The following PLPP1 variants were observed in gnomAD, a reference collection of about 807,000 sequenced individuals.
PLPP1 encodes lipid phosphate phosphohydrolase 1a.
Under a neutral mutation model 31.2 loss-of-function variants are expected in PLPP1, and 24 were observed. The observed-to-expected ratio is 0.77, with a 90% CI of 0.56 to 1.08. The LOEUF (loss-of-function observed/expected upper bound fraction) is 1.08. Ranked by LOEUF, PLPP1 falls within the 50% of genes least tolerant of loss-of-function variation. The probability of loss-of-function intolerance (pLI) is 0.00; values close to 1 mark genes in which losing one functional copy is unlikely to be tolerated. For synonymous variants in PLPP1, 146 were observed against 126.3 expected, an observed-to-expected ratio of 1.16 and a Z score of -1.05; for missense variants, 319 against 342.7, an observed-to-expected ratio of 0.93 and a Z score of 0.55.
chr5:55,515,846 T>C (rs961951069), intron 1 of PLPP1, among the ~76,000 whole-genome samples: 73 of 152,204 alleles, frequency 4.8e-4, no homozygotes, highest in Non-Finnish European at 1.3e-4. Context: ...TCATCAATTC[T>C]CATGGCTTCA....
chr5:55,501,200 C>A (rs1214567023), intron 1 of PLPP1, among the ~76,000 whole-genome samples: 1 of 152,244 alleles, frequency 6.6e-6, no homozygotes, highest in Middle Eastern at 3.4e-3. Flanking sequence ...GTAATCCCAG[C>A]TACTCAGGAG....
At chr5:55,469,010 C>T (rs992170453) in intron 2 of PLPP1, among the ~76,000 whole-genome samples, 2 of 152,144 alleles carry the variant, frequency 1.3e-5, no homozygotes, top group East Asian at 3.9e-4. Context: ...GTGACCTCTG[C>T]TGGGGTCCCA....
At chr5:55,511,573 T>C (rs1439059173) in intron 1 of PLPP1, among the ~76,000 whole-genome samples, 1 of 151,202 alleles carries the variant, frequency 6.6e-6, no homozygotes, top group African/African-American at 2.4e-5. Flanking sequence ...AATCTTTGGA[T>C]GATGGTGAGA....
intron 3 of PLPP1, among the ~76,000 whole-genome samples, chr5:55,442,221 T>TG (rs1294641309): frequency 6.6e-6 from 1 of 152,238 alleles, no homozygotes; most frequent in East Asian, 1.9e-4. Context: ...TGGCACAAAT[T>TG]GCCTTGACTT....
intron 1 of PLPP1, among the ~76,000 whole-genome samples, chr5:55,520,902 A>G (rs1191857092): frequency 6.6e-6 from 1 of 152,210 alleles, no homozygotes; most frequent in Admixed American, 6.5e-5. Flanking sequence ...TTTCAGGGGA[A>G]ATTGTTCTGA....
At chr5:55,453,675 T>G (rs1455650087) in intron 3 of PLPP1, among the ~76,000 whole-genome samples, 1 of 152,184 alleles carries the variant, frequency 6.6e-6, no homozygotes, top group Non-Finnish European at 1.5e-5. Context: ...TACCGTTGGC[T>G]CCCACCTGTA....
At chr5:55,442,741 G>C (rs1178516190) in intron 3 of PLPP1, among the ~76,000 whole-genome samples, 4 of 151,632 alleles carry the variant, frequency 2.6e-5, no homozygotes, top group Non-Finnish European at 5.9e-5. Context: ...TTCAATATTA[G>C]AGTCTATAAA....
chr5:55,447,968 T>G (rs1751804689), intron 3 of PLPP1, among the ~76,000 whole-genome samples: 1 of 152,214 alleles, frequency 6.6e-6, no homozygotes, highest in Non-Finnish European at 1.5e-5. Context: ...TTCCTGATTA[T>G]AAAGTTTATA....
rs139522372 is a variant in PLPP1 at position 55,467,997 on chromosome 5, A to G, written c.363T>C (p.Tyr121=). The G allele has an allele frequency of 1.4e-5, 23 of 1,614,196 alleles. No individual in the cohort carries two copies. In the African/African-American group the frequency reaches 2.9e-4, roughly 21 times the overall value. The stretch of plus-strand genomic sequence containing the variant: ...AGTGAGGCCGCAGTCTGCCTATTGA[A>G]TACTTGGCAATGTCAGTCAGGGACT... The part of the protein sequence containing the change: ...ASQSLTDIAK[Y]SIGRLRPHFL... The change falls in exon 3 of 6, where the codon TAT becomes TAC. Residue 121 remains tyrosine (Y), a synonymous_variant. Transcript: ENST00000307259.
chr5:55,488,581 G>A (rs1170468257), intron 1 of PLPP1, among the ~76,000 whole-genome samples: 1 of 151,788 alleles, frequency 6.6e-6, no homozygotes, highest in Non-Finnish European at 1.5e-5. Flanking sequence ...GGGAGGCGGA[G>A]GTTGCACTAA....
chr5:55,429,556 G>A (rs935522992), intron 4 of PLPP1, among the ~76,000 whole-genome samples: 2 of 152,024 alleles, frequency 1.3e-5, no homozygotes, highest in South Asian at 4.1e-4. Context: ...CACACAAACA[G>A]GGAACTTGGG....
chr5:55,437,728 T>C (rs2111694519), intron 4 of PLPP1, among the ~76,000 whole-genome samples: 1 of 152,336 alleles, frequency 6.6e-6, no homozygotes, highest in South Asian at 2.1e-4. Context: ...CTTTGGGTTT[T>C]AATTTCACCA....
At chr5:55,500,172 C>T (rs1014772174) in intron 1 of PLPP1, among the ~76,000 whole-genome samples, 3 of 150,816 alleles carry the variant, frequency 2.0e-5, no homozygotes, top group Admixed American at 6.6e-5. Flanking sequence ...CTCCACTTCC[C>T]GGGTTCACAC....
rs534390561 is a variant in PLPP1 at position 55,442,436 on chromosome 5, G to A, written c.492-528C>T. Reference sequence around the variant, plus strand: ...CAGGAGGCCAAGGCGGGCGGATCACGAGGTCAGGAGATCGAGACCATCCTG... The same window carrying A: ...CAGGAGGCCAAGGCGGGCGGATCACAAGGTCAGGAGATCGAGACCATCCTG... On this transcript the variant is annotated intron_variant, in intron 3 of 5. Transcript: ENST00000307259. Among the ~76,000 whole-genome samples the A allele has an allele frequency of 1.2e-4, 18 of 152,090 alleles. No individual in the cohort carries two copies. In the South Asian group the frequency reaches 3.1e-3, roughly 26 times the overall value.
chr5:55,467,551 ATT>A (rs1752330848), intron 3 of PLPP1, among the ~76,000 whole-genome samples: 2 of 150,058 alleles, frequency 1.3e-5, no homozygotes, highest in African/African-American at 4.9e-5. Flanking sequence ...TGTAAAAAAA[ATT>A]ATATATATTA....
intron 1 of PLPP1, chr5:55,490,845 C>T: frequency 8.6e-7 from 1 of 1,159,754 alleles, no homozygotes; most frequent in South Asian, 1.8e-5. Flanking sequence ...AGCAATCATT[C>T]ACCATATCAA....
chr5:55,461,623 A>G (rs1173258360), intron 3 of PLPP1, among the ~76,000 whole-genome samples: 3 of 151,958 alleles, frequency 2.0e-5, no homozygotes, highest in African/African-American at 4.8e-5. Context: ...CACAGTTGAC[A>G]TATTTGTGAA....
intron 1 of PLPP1, among the ~76,000 whole-genome samples, chr5:55,532,772 G>C (rs949466336): frequency 6.6e-6 from 1 of 151,860 alleles, no homozygotes; most frequent in Non-Finnish European, 1.5e-5. Flanking sequence ...GCCTGGCCAA[G>C]ACGGTGAAAC....
At chr5:55,432,285 C>A (rs913124828) in intron 4 of PLPP1, among the ~76,000 whole-genome samples, 3 of 151,816 alleles carry the variant, frequency 2.0e-5, no homozygotes, top group Non-Finnish European at 2.9e-5. Context: ...CTGGAAAGCC[C>A]AGAATAAATG....
Sources: allele counts gnomAD v4.1 joint callset (sites outside exome capture counted in the v4.1 genomes callset), GRCh38; gene constraint gnomAD v4.1.1; transcripts MANE v1.5; gene names NCBI Gene and HGNC (gene_info 2026-07-23, HGNC 2026-07-21).